GALNTL6: variants seen among roughly 807,000 people sequenced by gnomAD.
The protein encoded by GALNTL6 is polypeptide N-acetylgalactosaminyltransferase-like 6.
GALNTL6 carries 46 observed loss-of-function variants against 73.7 expected under a neutral mutation model. The observed-to-expected ratio is 0.62, with a 90% CI of 0.49 to 0.80. The LOEUF is 0.80. Ranked by LOEUF, GALNTL6 falls within the 30% of genes least tolerant of loss-of-function variation. The pLI, the probability that GALNTL6 is intolerant of heterozygous loss-of-function variation, is 0.00. For synonymous variants in GALNTL6, 259 were observed against 263.7 expected (o/e 0.98, Z 0.17); for missense variants, 604 against 755.0 (o/e 0.80, Z 2.34).
At chr4:172,096,769 T>G (rs1005797300) in intron 2 of GALNTL6, among the ~76,000 whole-genome samples, 1 of 152,184 alleles carries the variant, frequency 6.6e-6, no homozygotes, top group African/African-American at 2.4e-5. Context: ...ACTGAGTCAA[T>G]TAACATAAGT....
chr4:172,152,003 G>A (rs566400308), intron 2 of GALNTL6, among the ~76,000 whole-genome samples: 3 of 149,120 alleles, frequency 2.0e-5, no homozygotes, highest in Admixed American at 6.7e-5. Flanking sequence ...TTTAAACTGC[G>A]TCTCTCTCTG....
At chr4:172,685,129 T>C (rs1732845276) in intron 5 of GALNTL6, among the ~76,000 whole-genome samples, 1 of 152,190 alleles carries the variant, frequency 6.6e-6, no homozygotes, top group South Asian at 2.1e-4. Context: ...GGCAAGTTAA[T>C]ATAAATAACC....
In GALNTL6 at chr4:172,016,630, G is replaced by A. The variant is rs182372589; in HGVS notation, c.138+201912G>A. On this transcript the variant is annotated intron_variant, in intron 2 of 12. Transcript: ENST00000506823. The stretch of plus-strand genomic sequence containing the variant: ...CTAGGAAGCTAGTGTGATATTTTGG[G>A]GGTTGTTATAGAACCCCATTTTGTC... 2.1e-3 allele frequency among the ~76,000 whole-genome samples: 315 copies of A among 151,848 alleles called. 1 individual carries two copies. Among genetic ancestry groups the A allele is most frequent in the Middle Eastern group, 0.01 (3 of 294 alleles).
Position 172,311,659 on chromosome 4 carries a change from A to C in GALNTL6, c.293A>C (p.His98Pro). ...CCTTACCCCCTTACTGAAGAGGACC[A>C]TGATGACTCAGCTTACAGGGAAAAT... is the stretch of plus-strand genomic sequence containing the variant. ...GKPYPLTEED[H>P]DDSAYRENGF... is the part of the protein sequence containing the mutation. Residue 98 changes from histidine to proline, a missense_variant, in exon 4 of 13, where the codon CAT (histidine) becomes CCT (proline). This residue lies in a region of GALNTL6 where 141 missense variants were observed against 156.6 expected (regional missense o/e 0.90). Transcript: ENST00000506823. 1 of 1,612,452 alleles carries C rather than the reference A, an allele frequency of 6.2e-7. No homozygotes were observed. Among genetic ancestry groups the C allele is most frequent in the Non-Finnish European group, 8.5e-7 (1 of 1,178,890 alleles).
intron 10 of GALNTL6, among the ~76,000 whole-genome samples, chr4:173,004,241 G>A (rs1752174550): frequency 6.6e-6 from 1 of 152,020 alleles, no homozygotes; most frequent in African/African-American, 2.4e-5. Context: ...GCAGAACCCA[G>A]ACCTGCTTAG....
intron 12 of GALNTL6, among the ~76,000 whole-genome samples, chr4:173,028,281 T>G (rs771355738): frequency 3.3e-5 from 5 of 152,192 alleles, no homozygotes; most frequent in Admixed American, 6.5e-5. Context: ...AGGTGTATTA[T>G]TAAGGCAATG....
chr4:172,432,208 T>C (rs908998874), intron 5 of GALNTL6, among the ~76,000 whole-genome samples: 7 of 151,716 alleles, frequency 4.6e-5, no homozygotes, highest in Admixed American at 1.3e-4. Flanking sequence ...CATGAAATAT[T>C]ACCCATTTCA....
At chr4:172,940,227 T>C (rs888975269) in intron 9 of GALNTL6, among the ~76,000 whole-genome samples, 3 of 149,502 alleles carry the variant, frequency 2.0e-5, no homozygotes, top group African/African-American at 4.9e-5. Flanking sequence ...TCACTTTACC[T>C]AGAAGGTAAA....
intron 5 of GALNTL6, among the ~76,000 whole-genome samples, chr4:172,551,753 A>G (rs1038306695): frequency 6.6e-6 from 1 of 152,116 alleles, no homozygotes; most frequent in Non-Finnish European, 1.5e-5. Context: ...AGGGTACAAA[A>G]TCTTTCTTTT....
At chr4:172,271,500 C>T (rs2111058327) in intron 3 of GALNTL6, among the ~76,000 whole-genome samples, 1 of 152,076 alleles carries the variant, frequency 6.6e-6, no homozygotes, top group South Asian at 2.1e-4. Context: ...TACAAACATA[C>T]ATGTGATGTG....
intron 3 of GALNTL6, among the ~76,000 whole-genome samples, chr4:172,253,952 G>A (rs1444640778): frequency 6.6e-6 from 1 of 151,748 alleles, no homozygotes; most frequent in African/African-American, 2.4e-5. Flanking sequence ...AATGAACTCA[G>A]GAGTAAAACA....
At chr4:172,915,789 G>T (rs1747472235) in intron 8 of GALNTL6, among the ~76,000 whole-genome samples, 1 of 152,090 alleles carries the variant, frequency 6.6e-6, no homozygotes, top group Non-Finnish European at 1.5e-5. Flanking sequence ...AGTACCAGAT[G>T]GATTCACAGC....
intron 8 of GALNTL6, among the ~76,000 whole-genome samples, chr4:172,886,916 A>G (rs2111202196): frequency 6.6e-6 from 1 of 152,286 alleles, no homozygotes; most frequent in Middle Eastern, 3.4e-3. Context: ...TTGGGTTATA[A>G]TTGAATGCAT....
intron 5 of GALNTL6, among the ~76,000 whole-genome samples, chr4:172,500,875 G>A (rs185941635): frequency 6.6e-6 from 1 of 152,198 alleles, no homozygotes; most frequent in African/African-American, 2.4e-5. Flanking sequence ...TGTATGTAGA[G>A]GAAATAGTTA....
chr4:172,453,627 T>A (rs1277365780), intron 5 of GALNTL6, among the ~76,000 whole-genome samples: 5 of 152,244 alleles, frequency 3.3e-5, no homozygotes, highest in African/African-American at 1.2e-4. Flanking sequence ...TTTCACCATC[T>A]GAAATTTGTC....
At position 171,930,345 on chromosome 4, in the gene GALNTL6, A is replaced by G. The variant is rs1048213121; in HGVS notation, c.138+115627A>G. Among the ~76,000 whole-genome samples the G allele has an allele frequency of 1.7e-4, 26 of 152,360 alleles. No individual in the cohort carries two copies. In the Middle Eastern group the frequency reaches 0.017, roughly 100 times the overall value. On this transcript the variant is annotated intron_variant, in intron 2 of 12. Coordinates refer to ENST00000506823, the MANE Select transcript of GALNTL6 (RefSeq NM_001034845.3). ...ATCACAGCTGAAGAAACTGCAATGA[A>G]GACCATGCTACTGAGTCCACCCAGA...
At chr4:172,845,132 C>T (rs1045225776) in intron 7 of GALNTL6, among the ~76,000 whole-genome samples, 3 of 149,480 alleles carry the variant, frequency 2.0e-5, no homozygotes, top group Non-Finnish European at 3.0e-5. Context: ...GCAGGAGAAT[C>T]GCTTGAACCC....
intron 2 of GALNTL6, among the ~76,000 whole-genome samples, chr4:171,980,394 T>C (rs945579383): frequency 6.6e-6 from 1 of 152,134 alleles, no homozygotes; most frequent in Non-Finnish European, 1.5e-5. Context: ...TGAAAGACTT[T>C]AGCATGTTGA....
chr4:172,337,579 T>C (rs1387568187), intron 4 of GALNTL6, among the ~76,000 whole-genome samples: 2 of 152,142 alleles, frequency 1.3e-5, no homozygotes, highest in Non-Finnish European at 2.9e-5. Context: ...GAGTGCTGGC[T>C]ATAGGCCTCA....
Sources: gnomAD v4.1 joint callset for allele counts (sites outside exome capture counted in the v4.1 genomes callset) on GRCh38, gnomAD v4.1.1 for gene constraint, gnomAD v4.1.1 regional missense constraint, MANE v1.5 for transcripts, NCBI Gene and HGNC (gene_info 2026-07-23, HGNC 2026-07-21) for gene names.